The following TRHDE variants were observed in gnomAD, a reference collection of about 807,000 sequenced individuals.
The protein encoded by TRHDE is thyrotropin-releasing hormone-degrading ectoenzyme.
TRHDE carries 72 observed loss-of-function variants against 125.7 expected under a neutral mutation model. The ratio of observed to expected loss-of-function variants is 0.57; its 90% CI spans 0.47 to 0.70. The LOEUF (loss-of-function observed/expected upper bound fraction) is 0.70, where lower values mean the gene tolerates loss of function less well. TRHDE is among the 30% of genes least tolerant of loss of function. The pLI, the probability that TRHDE is intolerant of heterozygous loss-of-function variation, is 0.00. For missense variants in TRHDE, 1,110 were observed against 1,327.1 expected, an observed-to-expected ratio of 0.84 and a Z score of 2.54; for synonymous variants, 509 against 509.1, an observed-to-expected ratio of 1.00 and a Z score of 0.00.
intron 2 of TRHDE, among the ~76,000 whole-genome samples, chr12:72,213,107 T>C (rs1877816815): frequency 6.6e-6 from 1 of 152,146 alleles, no homozygotes; most frequent in South Asian, 2.1e-4. Context: ...TGTATATATG[T>C]ATGATTCCAT....
intron 2 of TRHDE, among the ~76,000 whole-genome samples, chr12:72,154,993 T>C (rs1876468612): frequency 6.6e-6 from 1 of 152,224 alleles, no homozygotes; most frequent in African/African-American, 2.4e-5. Context: ...GAGTGTTTTC[T>C]AACTTGGTTC....
intron 2 of TRHDE, among the ~76,000 whole-genome samples, chr12:72,141,605 A>G (rs968919425): frequency 2.0e-5 from 3 of 152,236 alleles, no homozygotes; most frequent in African/African-American, 4.8e-5. Context: ...ATTCACTCGT[A>G]TCTGTTGAGT....
intron 2 of TRHDE, among the ~76,000 whole-genome samples, chr12:72,349,614 C>A (rs1401764641): frequency 6.6e-6 from 1 of 151,848 alleles, no homozygotes; most frequent in Non-Finnish European, 1.5e-5. Flanking sequence ...GAGCAGTAGA[C>A]CCTACTGACT....
intron 15 of TRHDE, among the ~76,000 whole-genome samples, chr12:72,650,077 T>C (rs1874444614): frequency 6.6e-6 from 1 of 152,110 alleles, no homozygotes; most frequent in African/African-American, 2.4e-5. Context: ...ATATTAGCAT[T>C]CCCAAGTTTA....
At chr12:72,371,147 G>A (rs957674501) in intron 2 of TRHDE, among the ~76,000 whole-genome samples, 7 of 151,996 alleles carry the variant, frequency 4.6e-5, no homozygotes, top group African/African-American at 1.5e-4. Flanking sequence ...TGTTACCTTA[G>A]TCTGGGATAT....
rs564347320 is a variant in TRHDE, at chr12:72,639,828, C to T, written c.2676-12494C>T. The stretch of plus-strand genomic sequence containing the variant: ...TTAGGCTGCTCGGGGGGTCAGCAGT[C>T]AGGGACCCACTTGAGGAGGCAGTCT... On this transcript the variant is annotated intron_variant, in intron 15 of 18. Coordinates refer to ENST00000261180, the MANE Select transcript of TRHDE (RefSeq NM_013381.3). Among the ~76,000 whole-genome samples, 5 of 152,318 alleles carry T rather than the reference C, an allele frequency of 3.3e-5. No individual in the cohort carries two copies. The South Asian group carries it at 1.0e-3, about 32-fold the overall frequency.
At chr12:72,500,849 C>CTTT (rs11314911) in intron 6 of TRHDE, among the ~76,000 whole-genome samples, 39 of 109,324 alleles carry the variant, frequency 3.6e-4, no homozygotes, top group South Asian at 2.9e-3. Context: ...CAACTTTGTT[C>CTTT]TTTTTTTTTT....
intron 18 of TRHDE, among the ~76,000 whole-genome samples, chr12:72,657,626 C>G: frequency 6.6e-6 from 1 of 151,954 alleles, no homozygotes; most frequent in East Asian, 1.9e-4. Context: ...GACTGGTGTC[C>G]AGGTTATGGA....
intron 2 of TRHDE, chr12:72,255,434 GC>G (rs1878789096): frequency 1.3e-5 from 2 of 152,268 alleles, no homozygotes; most frequent in Admixed American, 6.5e-5. Flanking sequence ...AACAAAAGAA[GC>G]CTGTGATCCA....
In TRHDE at chr12:72,090,579, C is replaced by T. The variant is rs150950867; in HGVS notation, n.174+3140C>T. 4.0e-3 allele frequency among the ~76,000 whole-genome samples: 602 copies of T among 152,162 alleles called. 1 individual carries two copies. The highest frequency in any genetic ancestry group is 0.014 in the African/African-American group (564 of 41,510). ...CTTTTGAATTTTGATGCTTCATGTTCTTGTACTGCCCATTGCCTTAAATAT... is the reference window on the plus strand; with the variant it reads ...CTTTTGAATTTTGATGCTTCATGTTTTTGTACTGCCCATTGCCTTAAATAT... On this transcript the variant is annotated intron_variant and non_coding_transcript_variant, in intron 1 of 4. Transcript: ENST00000548156.
chr12:72,163,801 C>A (rs1157320447), intron 2 of TRHDE, among the ~76,000 whole-genome samples: 2 of 152,180 alleles, frequency 1.3e-5, no homozygotes, highest in East Asian at 3.8e-4. Flanking sequence ...AATTGTCCTA[C>A]AACTATGTCT....
chr12:72,663,319 A>ATT lies in TRHDE; in HGVS notation c.*133_*134dup, dbSNP rs575989454. The ATT allele has an allele frequency of 3.1e-6, 2 of 649,090 alleles. No individual in the cohort carries two copies. The highest frequency in any genetic ancestry group is 4.5e-6 in the Non-Finnish European group (2 of 446,908). 40.2% of individuals were successfully genotyped at this position (649,090 alleles called of 1,614,324 possible). ...TTTTCAGTGTTAACGTGTGGGAGGAATTTTTTTTTTAGTTTTTATTTTTTG... is the reference window on the plus strand; with the variant it reads ...TTTTCAGTGTTAACGTGTGGGAGGAATTTTTTTTTTTTAGTTTTTATTTTTTG... On this transcript the variant is annotated 3_prime_UTR_variant, in exon 19 of 19. Transcript: ENST00000261180.
At chr12:72,508,634 G>A (rs1878454492) in intron 6 of TRHDE, among the ~76,000 whole-genome samples, 1 of 152,178 alleles carries the variant, frequency 6.6e-6, no homozygotes, top group South Asian at 2.1e-4. Flanking sequence ...CCTTATCTCA[G>A]ATGAGACTTT....
In TRHDE at chr12:72,483,460, A is replaced by G. The variant is rs140929232; in HGVS notation, c.1584+10280A>G. 3.1e-3 allele frequency among the ~76,000 whole-genome samples: 474 copies of G among 152,100 alleles called. 2 individuals are homozygous for G. Among genetic ancestry groups the G allele is most frequent in the Admixed American group, 0.01 (154 of 15,272 alleles). On this transcript the variant is annotated intron_variant, in intron 5 of 18. Coordinates refer to ENST00000261180, the MANE Select transcript of TRHDE (RefSeq NM_013381.3). Reference sequence around the variant, plus strand: ...TAAAGAAACTTATATTCTTACTATCATTTTTAACCAATATTTTTGTTATTA... The same window carrying G: ...TAAAGAAACTTATATTCTTACTATCGTTTTTAACCAATATTTTTGTTATTA...
upstream of TRHDE, chr12:72,272,176 A>G (rs1165433647): frequency 1.3e-5 from 6 of 454,470 alleles, no homozygotes; most frequent in Non-Finnish European, 2.2e-5. This position sits in a 1 kb window ranked among gnomAD's most constrained non-coding sequence, Gnocchi z 6.7. Flanking sequence ...GAGTGGGGGG[A>G]GAAAGCGAAA....
rs944736229 is a variant in TRHDE at position 72,179,341 on chromosome 12, C to T, written n.279+73589C>T. On this transcript the variant is annotated intron_variant and non_coding_transcript_variant, in intron 2 of 4. Coordinates refer to the TRHDE transcript ENST00000548156. ...CATGAGTTTTGTTATAGATTTGTCCCGTTGGGAGAGAAATATCTCCACTGA... is the reference window on the plus strand; with the variant it reads ...CATGAGTTTTGTTATAGATTTGTCCTGTTGGGAGAGAAATATCTCCACTGA... 1.5e-4 allele frequency among the ~76,000 whole-genome samples: 23 copies of T among 151,986 alleles called. 1 individual carries two copies. The highest frequency in any genetic ancestry group is 5.1e-4 in the African/African-American group (21 of 41,490).
intron 2 of TRHDE, among the ~76,000 whole-genome samples, chr12:72,196,215 T>C (rs1331911930): frequency 1.3e-5 from 2 of 152,168 alleles, no homozygotes; most frequent in African/African-American, 4.8e-5. Context: ...CAGGCTCTTT[T>C]TTGGTTCCAT....
At chr12:72,463,001 A>T (rs979534086) in intron 3 of TRHDE, among the ~76,000 whole-genome samples, 7 of 152,220 alleles carry the variant, frequency 4.6e-5, no homozygotes, top group Non-Finnish European at 1.0e-4. Context: ...AAGGAAAACC[A>T]GAAAGAACAA....
rs762164919 is a variant in TRHDE at position 72,469,851 on chromosome 12, T to C, written c.1409T>C (p.Val470Ala). ...CAAAGAATACTGCTGGATCCCAGTGTTTCATCTATTTCTTATTTGCTGGAT... is the reference window on the plus strand; with the variant it reads ...CAAAGAATACTGCTGGATCCCAGTGCTTCATCTATTTCTTATTTGCTGGAT... ...VEQRILLDPS[V>A]SSISYLLDVT... Residue 470 changes from valine to alanine, a missense_variant, in exon 4 of 19, where the codon GTT becomes GCT. Physicochemically the swap from Val to Ala is moderately conservative, Grantham distance 64 (BLOSUM62 0). Transcript: ENST00000261180. The C allele has an allele frequency of 6.2e-7, 1 of 1,614,150 alleles. No homozygotes were observed. Among genetic ancestry groups the C allele is most frequent in the Admixed American group, 1.7e-5 (1 of 60,016 alleles).
Sources: gnomAD v4.1 joint callset for allele counts (sites outside exome capture counted in the v4.1 genomes callset) on GRCh38, gnomAD v4.1.1 for gene constraint, Gnocchi (gnomAD v3.1) non-coding constraint, MANE v1.5 for transcripts, NCBI Gene and HGNC (gene_info 2026-07-23, HGNC 2026-07-21) for gene names.